The following CHN1 variants were observed in gnomAD, a reference collection of about 807,000 sequenced individuals.
CHN1 encodes chimerin 1.
Under a neutral mutation model 59.5 loss-of-function variants are expected in CHN1, and 37 were observed. The ratio of observed to expected loss-of-function variants is 0.62; its 90% CI spans 0.48 to 0.82. The LOEUF (loss-of-function observed/expected upper bound fraction) is 0.82, where lower values mean the gene tolerates loss of function less well. Ranked by LOEUF, CHN1 falls within the 40% of genes least tolerant of loss-of-function variation. The pLI is 0.00. For synonymous variants in CHN1, 206 were observed against 200.4 expected, an observed-to-expected ratio of 1.03 and a Z score of -0.24; for missense variants, 469 against 571.0, an observed-to-expected ratio of 0.82 and a Z score of 1.82.
intron 6 of CHN1, among the ~76,000 whole-genome samples, chr2:174,866,110 G>C (rs372322716): frequency 5.9e-5 from 9 of 152,286 alleles, no homozygotes; most frequent in African/African-American, 1.9e-4. Flanking sequence ...AGCTGCTTTT[G>C]AAGTGTTTCT....
At chr2:174,867,666 ACTAG>A (rs1687267741) in intron 6 of CHN1, among the ~76,000 whole-genome samples, 1 of 152,174 alleles carries the variant, frequency 6.6e-6, no homozygotes, top group African/African-American at 2.4e-5. Flanking sequence ...AAATTAAAGG[ACTAG>A]CTAAATTCCC....
Position 174,802,677 on chromosome 2 carries a change from C to T in CHN1, c.1103-865G>A, listed in dbSNP as rs953092666. On this transcript the variant is annotated intron_variant, in intron 11 of 12. Coordinates refer to ENST00000409900, the MANE Select transcript of CHN1 (RefSeq NM_001822.7). Reference sequence around the variant, plus strand: ...AACAATTAACATATTTGGAATTCTGCGATCTCAAAAAAGAGCACCACAGTA... The same window carrying T: ...AACAATTAACATATTTGGAATTCTGTGATCTCAAAAAAGAGCACCACAGTA... 1.2e-4 allele frequency among the ~76,000 whole-genome samples: 18 copies of T among 152,150 alleles called. No homozygotes were observed. The South Asian group carries it at 1.5e-3, about 12-fold the overall frequency.
chr2:174,869,357 T>C (rs1173163123), intron 6 of CHN1, among the ~76,000 whole-genome samples: 1 of 152,196 alleles, frequency 6.6e-6, no homozygotes, highest in Non-Finnish European at 1.5e-5. Flanking sequence ...GGAAGGTAGA[T>C]ATTAAAGATA....
chr2:174,979,666 A>C (rs1691074600), intron 1 of CHN1, among the ~76,000 whole-genome samples: 1 of 152,120 alleles, frequency 6.6e-6, no homozygotes, highest in Admixed American at 6.5e-5. Flanking sequence ...GTGGATCATG[A>C]GGTCAAGAGA....
chr2:174,942,142 C>T (rs1299273736), intron 3 of CHN1, among the ~76,000 whole-genome samples: 2 of 152,094 alleles, frequency 1.3e-5, no homozygotes, highest in African/African-American at 2.4e-5. Flanking sequence ...GTATAATCCA[C>T]CAATCTCATT....
chr2:174,944,123 G>C (rs1212282444), intron 3 of CHN1, among the ~76,000 whole-genome samples: 3 of 151,938 alleles, frequency 2.0e-5, no homozygotes, highest in African/African-American at 4.8e-5. Flanking sequence ...AGACATTTAG[G>C]TTTTTTTCTG....
intron 1 of CHN1, among the ~76,000 whole-genome samples, chr2:174,984,530 A>G (rs1292973498): frequency 1.3e-5 from 2 of 151,928 alleles, no homozygotes; most frequent in African/African-American, 4.8e-5. Context: ...CACCACACCC[A>G]GCTAATTTTT....
rs76993107 is a variant in CHN1, at chr2:174,895,814, T to C, written c.261-17686A>G. The stretch of plus-strand genomic sequence containing the variant: ...AAGTATTAATTATACATGGAAAGTT[T>C]CCATTTTCTCCTCAGCTCAACTCAC... On this transcript the variant is annotated intron_variant, in intron 5 of 12. Transcript: ENST00000409900. Among the ~76,000 whole-genome samples the C allele has an allele frequency of 2.6e-5, 4 of 152,272 alleles. No individual in the cohort carries two copies. In the East Asian group the frequency reaches 7.7e-4, roughly 29 times the overall value.
chr2:174,816,643 G>T (rs1307024710), intron 8 of CHN1, among the ~76,000 whole-genome samples: 2 of 152,108 alleles, frequency 1.3e-5, no homozygotes, highest in African/African-American at 4.8e-5. Context: ...GGAACTCGCT[G>T]CTAGGTTGTT....
Position 174,877,899 on chromosome 2 carries a change from G to A in CHN1, c.490C>T (p.Leu164=). Residue 164 remains leucine (L), a synonymous_variant, in exon 6 of 13, where the codon CTG becomes TTG. Transcript: ENST00000409900. The stretch of plus-strand genomic sequence containing the variant: ...TCTCTCTCATCATGTGTCTCTTTCA[G>A]GACTGGCATATGTTTTTTGTATGCT... ...EPAYKKHMPV[L]KETHDERDST... is the part of the protein sequence containing the mutation. 1 of 1,613,724 alleles carries A rather than the reference G, an allele frequency of 6.2e-7. No individual in the cohort carries two copies.
intron 6 of CHN1, among the ~76,000 whole-genome samples, chr2:174,865,410 T>C (rs1687187601): frequency 6.6e-6 from 1 of 152,146 alleles, no homozygotes; most frequent in African/African-American, 2.4e-5. Context: ...TCCTCTATGA[T>C]GTCACTCCCA....
intron 5 of CHN1, among the ~76,000 whole-genome samples, chr2:174,884,805 GT>G (rs572737797): frequency 2.0e-5 from 3 of 151,998 alleles, no homozygotes; most frequent in Non-Finnish European, 4.4e-5. Context: ...ATTGTTAATG[GT>G]TCACTATTGC....
rs1232156523 is a variant in CHN1 at position 174,822,703 on chromosome 2, T to A, written c.712+1731A>T. Among the ~76,000 whole-genome samples, 3 of 152,216 alleles carry A rather than the reference T, an allele frequency of 2.0e-5. No homozygotes were observed. In the East Asian group the frequency reaches 5.8e-4, roughly 29 times the overall value. Reference sequence around the variant, plus strand: ...TCCATCTGCCTTTGTGAAACTGCAATGCACACTGCCTCAATACCTCCACTT... The same window carrying A: ...TCCATCTGCCTTTGTGAAACTGCAAAGCACACTGCCTCAATACCTCCACTT... On this transcript the variant is annotated intron_variant, in intron 8 of 12. Coordinates refer to ENST00000409900, the MANE Select transcript of CHN1 (RefSeq NM_001822.7).
At chr2:174,918,200 ATG>A (rs896622145) in intron 4 of CHN1, among the ~76,000 whole-genome samples, 3 of 152,280 alleles carry the variant, frequency 2.0e-5, no homozygotes, top group African/African-American at 4.8e-5. Context: ...CTGTACATAC[ATG>A]TGTGTGTATA....
At chr2:174,984,537 T>A (rs1248355545) in intron 1 of CHN1, among the ~76,000 whole-genome samples, 1 of 151,966 alleles carries the variant, frequency 6.6e-6, no homozygotes, top group East Asian at 1.9e-4. Context: ...CCCAGCTAAT[T>A]TTTGTATTTT....
At chr2:174,912,961 T>C (rs977085240) in intron 5 of CHN1, among the ~76,000 whole-genome samples, 6 of 152,176 alleles carry the variant, frequency 3.9e-5, no homozygotes, top group Non-Finnish European at 7.4e-5. Context: ...CAAGATTTAC[T>C]GGGCCAAAGT....
At chr2:174,995,272 T>G (rs1691670658) in intron 1 of CHN1, among the ~76,000 whole-genome samples, 1 of 152,208 alleles carries the variant, frequency 6.6e-6, no homozygotes, top group African/African-American at 2.4e-5. Flanking sequence ...CACAGTCAAC[T>G]GCAATCTGAA....
chr2:174,869,438 T>C (rs894359972), intron 6 of CHN1, among the ~76,000 whole-genome samples: 1 of 151,988 alleles, frequency 6.6e-6, no homozygotes, highest in Admixed American at 6.6e-5. Context: ...TATAAGAAAC[T>C]AAAAATAAGA....
At chr2:174,914,322 A>G (rs1218754778) in intron 5 of CHN1, among the ~76,000 whole-genome samples, 1 of 152,200 alleles carries the variant, frequency 6.6e-6, no homozygotes. Context: ...GTAAGCCAAA[A>G]CACTAAGTGA....
Sources: allele counts gnomAD v4.1 joint callset (sites outside exome capture counted in the v4.1 genomes callset), GRCh38; gene constraint gnomAD v4.1.1; transcripts MANE v1.5; gene names NCBI Gene and HGNC (gene_info 2026-07-23, HGNC 2026-07-21).